Variants in PSAT1 observed in about 807,000 individuals in gnomAD.
The protein encoded by PSAT1 is phosphoserine aminotransferase 1.
Under a neutral mutation model 40.3 loss-of-function variants are expected in PSAT1, and 41 were observed. That is an observed-to-expected ratio of 1.02 (90% confidence interval 0.79 to 1.32). PSAT1 has a LOEUF of 1.32. Ranked by LOEUF, PSAT1 falls within the 40% of genes most tolerant of loss-of-function variation. The pLI is 0.00. For missense variants in PSAT1, 406 were observed against 455.8 expected (o/e 0.89, Z 0.99); for synonymous variants, 147 against 170.5 (o/e 0.86, Z 1.07).
At chr9:78,300,070 C>T (rs1024434305) in intron 1 of PSAT1, among the ~76,000 whole-genome samples, 21 of 152,226 alleles carry the variant, frequency 1.4e-4, no homozygotes, top group Middle Eastern at 6.8e-3. Context: ...CCTCCAAGGA[C>T]CCATCTCTGA....
chr9:78,323,279 A>T (rs547043599), intron 7 of PSAT1, among the ~76,000 whole-genome samples: 145 of 152,296 alleles, frequency 9.5e-4, no homozygotes, highest in African/African-American at 3.4e-3. Context: ...GTCTTTAAAA[A>T]CTACAACAAG....
chr9:78,327,020 A>G (rs368391006), intron 7 of PSAT1, among the ~76,000 whole-genome samples: 2 of 143,128 alleles, frequency 1.4e-5, no homozygotes, highest in African/African-American at 2.7e-5. Flanking sequence ...CTGTGGCACA[A>G]TCTTGGCTCA....
chr9:78,305,050 T>C, intron 4 of PSAT1, 110 bp downstream of exon 4: 1 of 981,250 alleles, frequency 1.0e-6, no homozygotes, highest in South Asian at 1.4e-5. Flanking sequence ...TGTTAGTTCA[T>C]TACCATTTAG....
chr9:78,300,535 G>A, intron 1 of PSAT1, 67 bp from the exon 2 acceptor site: 1 of 1,544,188 alleles, frequency 6.5e-7, no homozygotes. Context: ...CGTCAGGTTT[G>A]TATGTTCAGA....
chr9:78,317,693 T>TG lies in PSAT1; in HGVS notation c.760dup (p.Val254GlyfsTer6). ...CATTTTAGCATCTACGTCATGGGCT[T>TG]GGTTCTGGAGTGGATTAAAAACAAT... On this transcript the variant is annotated frameshift_variant, in exon 7 of 9. Transcript: ENST00000376588. LOFTEE classifies it high-confidence loss of function. 1 of 1,613,948 alleles carries TG rather than the reference T, an allele frequency of 6.2e-7. No homozygotes were observed. The highest frequency in any genetic ancestry group is 8.5e-7 in the Non-Finnish European group (1 of 1,179,852).
At position 78,307,420 on chromosome 9, in the gene PSAT1, G is replaced by C. The variant is rs1359189755; in HGVS notation, c.570+934G>C. Among the ~76,000 whole-genome samples, 4 of 152,212 alleles carry C rather than the reference G, an allele frequency of 2.6e-5. No individual in the cohort carries two copies. The East Asian group carries it at 7.7e-4, about 29-fold the overall frequency. ...GTCAGAGCTTCCTTTCTTTTTAAAG[G>C]CTGAATAATAATTGTTTAGATATAC... On this transcript the variant is annotated intron_variant, in intron 5 of 8. Coordinates refer to ENST00000376588, the MANE Select transcript of PSAT1 (RefSeq NM_058179.4).
chr9:78,328,908 T>C (rs1379949271), intron 8 of PSAT1, 73 bp from the exon 9 acceptor site: 1 of 1,197,672 alleles, frequency 8.3e-7, no homozygotes, highest in Non-Finnish European at 1.2e-6. Context: ...CAGGAGCCAG[T>C]GGCTAGAAAA....
intron 6 of PSAT1, among the ~76,000 whole-genome samples, chr9:78,311,689 A>G (rs1828270087): frequency 6.6e-6 from 1 of 151,974 alleles, no homozygotes; most frequent in African/African-American, 2.4e-5. Context: ...AGAATTAGCC[A>G]GGCATGGTGG....
At chr9:78,327,618 T>C (rs1828519846) in intron 7 of PSAT1, among the ~76,000 whole-genome samples, 1 of 152,196 alleles carries the variant, frequency 6.6e-6, no homozygotes, top group African/African-American at 2.4e-5. Context: ...TGGAAGTTGC[T>C]GCTCATTATT....
chr9:78,302,210 A>G (rs1828117454), intron 3 of PSAT1, among the ~76,000 whole-genome samples, 187 bp downstream of exon 3: 1 of 152,006 alleles, frequency 6.6e-6, no homozygotes, highest in African/African-American at 2.4e-5. Flanking sequence ...TCCCGTGTTT[A>G]TATGTTTTTG....
At chr9:78,327,285 G>A (rs575738423) in intron 7 of PSAT1, among the ~76,000 whole-genome samples, 13 of 152,118 alleles carry the variant, frequency 8.5e-5, no homozygotes, top group South Asian at 6.2e-4. Flanking sequence ...TTAAGAGAGC[G>A]GGAGGAGAGG....
At chr9:78,300,710 C>CT (rs753207413) in intron 2 of PSAT1, 48 bp downstream of exon 2, 291,662 of 1,075,438 alleles carry the variant, frequency 0.27, 15,402 homozygotes, top group Admixed American at 0.36. Flanking sequence ...TCAAAGGAAG[C>CT]TTTTTTTTTT....
At chr9:78,318,056 C>T (rs527394702) in intron 7 of PSAT1, among the ~76,000 whole-genome samples, 15 of 152,218 alleles carry the variant, frequency 9.9e-5, no homozygotes, top group South Asian at 6.2e-4. Context: ...CCAAAGACAT[C>T]GCCCTGGGGA....
intron 4 of PSAT1, among the ~76,000 whole-genome samples, chr9:78,305,358 G>A (rs1328764604): frequency 3.9e-5 from 6 of 152,218 alleles, no homozygotes; most frequent in South Asian, 2.1e-4. Context: ...CAGGTGATCC[G>A]CCTGCCTCGG....
chr9:78,302,602 C>T (rs890731126), intron 3 of PSAT1, among the ~76,000 whole-genome samples: 5 of 151,950 alleles, frequency 3.3e-5, no homozygotes, highest in Non-Finnish European at 4.4e-5. Context: ...GGCATGGTGG[C>T]GCATACCTGT....
intron 6 of PSAT1, 40 bp downstream of exon 6, chr9:78,308,623 C>G: frequency 6.2e-7 from 1 of 1,608,140 alleles, no homozygotes; most frequent in Non-Finnish European, 8.5e-7. Context: ...AGGGAGGGGT[C>G]TCACTATTTT....
chr9:78,297,852 C>T (rs1828049238), intron 1 of PSAT1, among the ~76,000 whole-genome samples: 1 of 152,192 alleles, frequency 6.6e-6, no homozygotes, highest in South Asian at 2.1e-4. Context: ...TTTGCTTTAG[C>T]CAGCACTTAG....
intron 6 of PSAT1, among the ~76,000 whole-genome samples, chr9:78,311,398 G>T (rs1828265350): frequency 6.6e-6 from 1 of 152,120 alleles, no homozygotes; most frequent in African/African-American, 2.4e-5. Context: ...AGGTGGGAGG[G>T]GGCAGGGAAA....
intron 6 of PSAT1, among the ~76,000 whole-genome samples, chr9:78,315,936 A>T (rs188384563): frequency 6.6e-6 from 1 of 152,212 alleles, no homozygotes; most frequent in Non-Finnish European, 1.5e-5. Context: ...TTTTTGCACA[A>T]TTCCCATAGG....
Sources: allele counts gnomAD v4.1 joint callset (sites outside exome capture counted in the v4.1 genomes callset), GRCh38; gene constraint gnomAD v4.1.1; transcripts MANE v1.5; gene names NCBI Gene and HGNC (gene_info 2026-07-23, HGNC 2026-07-21).